Variants in IFT74 observed in about 807,000 individuals in gnomAD.
IFT74 encodes intraflagellar transport protein 74 homolog.
In IFT74, 92 loss-of-function variants were observed where a neutral mutation model predicts 96.7. That is an observed-to-expected ratio of 0.95 (90% CI 0.80 to 1.13). IFT74 has a LOEUF of 1.13. Among genes scored for constraint, IFT74 ranks in the 50% most tolerant of loss-of-function variants. The pLI, the probability that IFT74 is intolerant of heterozygous loss-of-function variation, is 0.00. For missense variants in IFT74, 811 were observed against 698.2 expected, an observed-to-expected ratio of 1.16 and a Z score of -1.82; for synonymous variants, 223 against 213.2, an observed-to-expected ratio of 1.05 and a Z score of -0.40.
intron 10 of IFT74, 54 bp from the exon 11 acceptor site, chr9:27,016,853 G>C: frequency 7.1e-7 from 1 of 1,399,544 alleles, no homozygotes; most frequent in Non-Finnish European, 9.7e-7. Flanking sequence ...ACCTATTTTA[G>C]AATAATTATT....
At chr9:26,963,937 T>G (rs993657425) in intron 2 of IFT74, among the ~76,000 whole-genome samples, 22 of 152,142 alleles carry the variant, frequency 1.4e-4, no homozygotes, top group Non-Finnish European at 1.8e-4. Flanking sequence ...GATGGTAGTT[T>G]CTTTTGCTGT....
intron 8 of IFT74, among the ~76,000 whole-genome samples, chr9:27,006,975 TAC>T (rs990813107): frequency 6.6e-6 from 1 of 151,400 alleles, no homozygotes; most frequent in African/African-American, 2.4e-5. Context: ...TAGCTGGGAC[TAC>T]AGGCGCCCAC....
chr9:26,974,976 C>CT (rs1827044809), intron 2 of IFT74, among the ~76,000 whole-genome samples: 2 of 152,026 alleles, frequency 1.3e-5, no homozygotes, highest in South Asian at 4.2e-4. Flanking sequence ...TTTGGATATC[C>CT]TTTTTACATT....
chr9:26,973,286 C>T (rs1826958668), intron 2 of IFT74, among the ~76,000 whole-genome samples: 1 of 152,124 alleles, frequency 6.6e-6, no homozygotes, highest in South Asian at 2.1e-4. Flanking sequence ...CAGTATGACC[C>T]ATCTGATTTC....
chr9:27,004,813 A>G (rs1389258380), intron 8 of IFT74, among the ~76,000 whole-genome samples: 2 of 152,194 alleles, frequency 1.3e-5, no homozygotes, highest in African/African-American at 4.8e-5. Flanking sequence ...TATTTCACAA[A>G]ATTACGTGCA....
intron 9 of IFT74, among the ~76,000 whole-genome samples, chr9:27,010,190 C>T (rs1184389560): frequency 1.3e-5 from 2 of 151,696 alleles, no homozygotes; most frequent in Non-Finnish European, 2.9e-5. Flanking sequence ...GGGGTTTCAC[C>T]GTGTTAGTCA....
At chr9:26,959,100 TG>T (rs1826242987) in intron 1 of IFT74, among the ~76,000 whole-genome samples, 1 of 151,876 alleles carries the variant, frequency 6.6e-6, no homozygotes, top group Admixed American at 6.6e-5. Context: ...TTGTTGTTGT[TG>T]TTGTTGTTGT....
intron 8 of IFT74, among the ~76,000 whole-genome samples, chr9:27,004,054 A>G (rs898352165): frequency 6.6e-6 from 1 of 152,122 alleles, no homozygotes; most frequent in African/African-American, 2.4e-5. Flanking sequence ...TAGGATGGGG[A>G]TAGTGAAAGA....
chr9:27,010,495 T>G (rs1046546393), intron 9 of IFT74, among the ~76,000 whole-genome samples: 26 of 147,572 alleles, frequency 1.8e-4, no homozygotes, highest in South Asian at 4.3e-4. Flanking sequence ...GTTTTTTTTT[T>G]TTTGTTTTTT....
chr9:26,980,368 TC>T, intron 3 of IFT74, among the ~76,000 whole-genome samples: 1 of 152,326 alleles, frequency 6.6e-6, no homozygotes, highest in Non-Finnish European at 1.5e-5. Context: ...AGTCCCATCT[TC>T]GTAGTTTTAA....
At chr9:26,985,992 T>C (rs1193063512) in intron 6 of IFT74, among the ~76,000 whole-genome samples, 2 of 152,228 alleles carry the variant, frequency 1.3e-5, no homozygotes, top group Admixed American at 6.5e-5. Flanking sequence ...GCAATATTGA[T>C]AACTGCTCAG....
intron 13 of IFT74, among the ~76,000 whole-genome samples, chr9:27,038,760 T>C (rs1371593074): frequency 1.3e-5 from 2 of 152,016 alleles, no homozygotes; most frequent in Admixed American, 1.3e-4. Flanking sequence ...AGAAACAGAG[T>C]CCTCAATTTG....
chr9:26,970,339 G>C (rs981036497), intron 2 of IFT74, among the ~76,000 whole-genome samples: 2 of 152,032 alleles, frequency 1.3e-5, no homozygotes, highest in Non-Finnish European at 2.9e-5. Flanking sequence ...ACTTTTTAAT[G>C]TATTTATAAA....
intron 8 of IFT74, chr9:26,998,364 A>G (rs918079920): frequency 7.4e-5 from 42 of 569,792 alleles, no homozygotes; most frequent in African/African-American, 6.9e-4. Context: ...CCTACTATCT[A>G]ATATTTTGGT....
intron 13 of IFT74, among the ~76,000 whole-genome samples, chr9:27,037,547 A>G (rs1045950139): frequency 6.6e-6 from 1 of 152,226 alleles, no homozygotes; most frequent in Non-Finnish European, 1.5e-5. Flanking sequence ...TTTCATAGCA[A>G]GTCTTCAGTT....
chr9:26,965,874 A>G (rs1161932249), intron 2 of IFT74, among the ~76,000 whole-genome samples: 1 of 152,126 alleles, frequency 6.6e-6, no homozygotes, highest in Non-Finnish European at 1.5e-5. Context: ...ATAAGTGAGA[A>G]CATGCGGTAT....
intron 19 of IFT74, among the ~76,000 whole-genome samples, chr9:27,062,038 A>C (rs1396996572): frequency 2.0e-5 from 3 of 152,204 alleles, no homozygotes; most frequent in African/African-American, 7.2e-5. Flanking sequence ...CAGTGGCAGC[A>C]TAGGTTCTCC....
intron 8 of IFT74, chr9:26,994,824 A>AT (rs1247558915): frequency 6.6e-6 from 1 of 152,600 alleles, no homozygotes; most frequent in African/African-American, 2.4e-5. Flanking sequence ...TTAAAACAAG[A>AT]TTTATAGATA....
At chr9:27,037,220 CAAA>C (rs11354662) in intron 13 of IFT74, among the ~76,000 whole-genome samples, 18 of 91,396 alleles carry the variant, frequency 2.0e-4, no homozygotes, top group Admixed American at 2.4e-4. Context: ...AATCCCATCT[CAAA>C]AAAAAAAAAA....
Sources: allele counts gnomAD v4.1 joint callset (sites outside exome capture counted in the v4.1 genomes callset), GRCh38; gene constraint gnomAD v4.1.1; transcripts MANE v1.5; gene names NCBI Gene and HGNC (gene_info 2026-07-23, HGNC 2026-07-21).